ITCH: variants seen among roughly 807,000 people sequenced by gnomAD.
The protein encoded by ITCH is E3 ubiquitin-protein ligase Itchy homolog.
ITCH carries 28 observed loss-of-function variants against 126.8 expected under a neutral mutation model. The ratio of observed to expected loss-of-function variants is 0.22; its 90% CI spans 0.16 to 0.30. The LOEUF (loss-of-function observed/expected upper bound fraction) is 0.30, where lower values mean the gene tolerates loss of function less well. ITCH is among the 10% of genes least tolerant of loss of function. The pLI, the probability that ITCH is intolerant of heterozygous loss-of-function variation, is 1.00. For synonymous variants in ITCH, 342 were observed against 340.0 expected, an observed-to-expected ratio of 1.01 and a Z score of -0.06; for missense variants, 631 against 1,032.4, an observed-to-expected ratio of 0.61 and a Z score of 5.33.
intron 12 of ITCH, among the ~76,000 whole-genome samples, chr20:34,453,747 A>G (rs1210614907): frequency 6.6e-6 from 1 of 152,156 alleles, no homozygotes; most frequent in Non-Finnish European, 1.5e-5. Context: ...TAATTCCAGC[A>G]CTTTGGGAGG....
In ITCH at chr20:34,482,611, C is replaced by T. The variant is rs138438204; in HGVS notation, c.2093+1405C>T. ...TCCCATGGCCTTGGGCAACACTGCC[C>T]TTGGGGCTTTGCAGGGTATAGCCCC... is the stretch of plus-strand genomic sequence containing the variant. On this transcript the variant is annotated intron_variant, in intron 20 of 24. Coordinates refer to ENST00000374864, the MANE Select transcript of ITCH (RefSeq NM_031483.7). Among the ~76,000 whole-genome samples, 57 of 152,338 alleles carry T rather than the reference C, an allele frequency of 3.7e-4. 1 individual carries two copies. In the East Asian group the frequency reaches 0.01, roughly 28 times the overall value.
At chr20:34,414,611 C>T (rs1979562471) in intron 6 of ITCH, among the ~76,000 whole-genome samples, 1 of 152,072 alleles carries the variant, frequency 6.6e-6, no homozygotes, top group Non-Finnish European at 1.5e-5. Context: ...GGATTACAGG[C>T]ATGCGCCACC....
chr20:34,464,904 T>C (rs558753098), intron 14 of ITCH, among the ~76,000 whole-genome samples: 124 of 152,044 alleles, frequency 8.2e-4, no homozygotes, highest in African/African-American at 2.7e-3. Context: ...AGAGACGGGG[T>C]TTCACCATGT....
intron 7 of ITCH, among the ~76,000 whole-genome samples, chr20:34,430,843 T>C (rs938584895): frequency 6.6e-6 from 1 of 152,216 alleles, no homozygotes; most frequent in Non-Finnish European, 1.5e-5. Context: ...GACAGTGGTA[T>C]ATAGTTTGGA....
intron 6 of ITCH, among the ~76,000 whole-genome samples, chr20:34,415,850 G>A (rs753393955): frequency 5.3e-5 from 8 of 152,166 alleles, no homozygotes; most frequent in Non-Finnish European, 1.2e-4. Context: ...ATTGCTGGAC[G>A]CGGTGGCTCA....
rs140261799 is a variant in ITCH at position 34,378,557 on chromosome 20, A to G, written c.-22+9087A>G. Among the ~76,000 whole-genome samples, 678 of 152,006 alleles carry G rather than the reference A, an allele frequency of 4.5e-3. 5 individuals carry two copies. Among genetic ancestry groups the G allele is most frequent in the African/African-American group, 0.015 (642 of 41,518 alleles). ...AAGTTTTTCTCATGGATGAATAAAAATACTGAACTGGGCCTTTAAAAAAGT... is the reference window on the plus strand; with the variant it reads ...AAGTTTTTCTCATGGATGAATAAAAGTACTGAACTGGGCCTTTAAAAAAGT... On this transcript the variant is annotated intron_variant, in intron 2 of 24. Transcript: ENST00000374864.
chr20:34,387,615 GTC>G (rs2038332981), intron 2 of ITCH, among the ~76,000 whole-genome samples: 2 of 145,010 alleles, frequency 1.4e-5, no homozygotes, highest in African/African-American at 5.1e-5. Context: ...GCGAGACCCT[GTC>G]TCAAAAAAAA....
intron 3 of ITCH, among the ~76,000 whole-genome samples, chr20:34,401,964 A>G (rs1291666708): frequency 6.6e-6 from 1 of 152,152 alleles, no homozygotes; most frequent in Non-Finnish European, 1.5e-5. Flanking sequence ...GTACTGGGCT[A>G]GGGATACGGG....
chr20:34,465,366 T>C (rs1270161872), intron 14 of ITCH, among the ~76,000 whole-genome samples: 1 of 152,164 alleles, frequency 6.6e-6, no homozygotes, highest in Non-Finnish European at 1.5e-5. Context: ...TCAGGGTCCT[T>C]TGAGATTCCA....
intron 23 of ITCH, among the ~76,000 whole-genome samples, chr20:34,494,394 G>C (rs528516728): frequency 1.8e-4 from 28 of 152,282 alleles, no homozygotes; most frequent in African/African-American, 6.5e-4. Context: ...GAAAGTTTTT[G>C]TTAGGAGACA....
intron 23 of ITCH, among the ~76,000 whole-genome samples, chr20:34,493,332 GA>G (rs1000723542): frequency 6.6e-6 from 1 of 152,146 alleles, no homozygotes; most frequent in African/African-American, 2.4e-5. Context: ...AAAGAATTTG[GA>G]TATTACCGTG....
At chr20:34,432,314 ACT>A (rs1186478424) in intron 7 of ITCH, among the ~76,000 whole-genome samples, 10 of 152,126 alleles carry the variant, frequency 6.6e-5, no homozygotes, top group African/African-American at 2.4e-4. Flanking sequence ...GAAATATAAA[ACT>A]CTTATAATTT....
At position 34,502,626 on chromosome 20, in the gene ITCH, C is replaced by T. The variant is rs1305278193; in HGVS notation, c.2417-1705C>T. Among the ~76,000 whole-genome samples the T allele has an allele frequency of 2.6e-5, 4 of 151,924 alleles. No individual in the cohort carries two copies. In the East Asian group the frequency reaches 7.8e-4, roughly 29 times the overall value. ...TCGGGAGGCTGAGGCAGGAGAATCA[C>T]TTGAACCTGGGAGGCGGAGGTTGTG... On this transcript the variant is annotated intron_variant, in intron 23 of 24. Coordinates refer to ENST00000374864, the MANE Select transcript of ITCH (RefSeq NM_031483.7).
chr20:34,467,017 TAAC>T (rs1455345193), intron 14 of ITCH, among the ~76,000 whole-genome samples: 1 of 152,126 alleles, frequency 6.6e-6, no homozygotes, highest in Non-Finnish European at 1.5e-5. Context: ...TTAATAATAT[TAAC>T]AACCCTTAGT....
At chr20:34,407,276 A>G (rs901428198) in intron 3 of ITCH, among the ~76,000 whole-genome samples, 2 of 152,000 alleles carry the variant, frequency 1.3e-5, no homozygotes, top group African/African-American at 4.8e-5. Flanking sequence ...CATTATTATT[A>G]TTATTTTTGA....
intron 19 of ITCH, 38 bp downstream of exon 19, chr20:34,480,770 T>G: frequency 6.8e-7 from 1 of 1,463,964 alleles, no homozygotes; most frequent in Non-Finnish European, 9.5e-7. Context: ...TAAAATATAG[T>G]TATATGCATT....
In ITCH at chr20:34,480,640, A is replaced by G. The variant is rs1243201953; in HGVS notation, c.1860A>G (p.Leu620=). Residue 620 remains leucine (L), a synonymous_variant, in exon 19 of 25, where the codon TTA becomes TTG. Transcript: ENST00000374864. ...HGKFIDTGFS[L]PFYKRILNKP... ...AATTCATAGACACGGGTTTTTCTTT[A>G]CCATTCTATAAGCGTATCTTGAACA... 6.2e-7 allele frequency: 1 copy of G among 1,613,672 alleles called. No individual in the cohort carries two copies. The highest frequency in any genetic ancestry group is 1.7e-5 in the Admixed American group (1 of 60,018).
intron 1 of ITCH, among the ~76,000 whole-genome samples, chr20:34,364,349 AT>A (rs2037325794): frequency 6.6e-6 from 1 of 152,032 alleles, no homozygotes; most frequent in African/African-American, 2.4e-5. Flanking sequence ...GAATTGTGGG[AT>A]TTTTGCCTTG....
chr20:34,397,122 C>A (rs1164190703), intron 3 of ITCH, among the ~76,000 whole-genome samples: 1 of 152,058 alleles, frequency 6.6e-6, no homozygotes, highest in Non-Finnish European at 1.5e-5. Context: ...CTCCCAGGTT[C>A]AAGCAGTTCT....
Sources: allele counts gnomAD v4.1 joint callset (sites outside exome capture counted in the v4.1 genomes callset), GRCh38; gene constraint gnomAD v4.1.1; transcripts MANE v1.5; gene names NCBI Gene and HGNC (gene_info 2026-07-23, HGNC 2026-07-21).